The following PPP2R2C variants were observed in gnomAD, a reference collection of about 807,000 sequenced individuals.
PPP2R2C encodes the protein protein phosphatase 2, regulatory subunit B, gamma.
A neutral mutation model predicts 45.3 loss-of-function variants in PPP2R2C; 10 were observed. The ratio of observed to expected loss-of-function variants is 0.22; its 90% CI spans 0.14 to 0.37. The LOEUF (loss-of-function observed/expected upper bound fraction) is 0.37. Ranked by LOEUF, PPP2R2C falls within the 10% of genes least tolerant of loss-of-function variation. The probability of loss-of-function intolerance (pLI) is 1.00; values close to 1 mark genes in which losing one functional copy is unlikely to be tolerated. For missense variants in PPP2R2C, 308 were observed against 619.7 expected, an observed-to-expected ratio of 0.50 and a Z score of 5.34; for synonymous variants, 257 against 245.4, an observed-to-expected ratio of 1.05 and a Z score of -0.44.
chr4:6,469,077 CAAAAAAAA>C lies in PPP2R2C; in HGVS notation c.70+3075_70+3082del, dbSNP rs142008829. Among the ~76,000 whole-genome samples the C allele has an allele frequency of 8.1e-3, 457 of 56,194 alleles. 5 individuals are homozygous for C. The highest frequency in any genetic ancestry group is 0.03 in the African/African-American group (425 of 14,406). 36.9% of individuals were successfully genotyped at this position (56,194 alleles called of 152,430 possible). A position where few individuals can be genotyped will look rare whatever the true frequency, so the allele number is the denominator to read the frequency against. Reference sequence around the variant, plus strand: ...AGAGTAAGCCACCCAGCCCTGCCACCAAAAAAAAAAAAAAAAAAAAAAAAAAAAATCCA... The same window carrying C: ...AGAGTAAGCCACCCAGCCCTGCCACCAAAAAAAAAAAAAAAAAAAAATCCA... On this transcript the variant is annotated intron_variant, in intron 1 of 8. Transcript: ENST00000382599.
intron 1 of PPP2R2C, among the ~76,000 whole-genome samples, chr4:6,405,977 T>C (rs1717772964): frequency 6.6e-6 from 1 of 152,170 alleles, no homozygotes; most frequent in South Asian, 2.1e-4. Context: ...ACTTACCTAT[T>C]ATCAGTCTCA....
In PPP2R2C at chr4:6,328,782, C is replaced by T. The variant is rs1367563891; in HGVS notation, c.1052+480G>A. Among the ~76,000 whole-genome samples the T allele has an allele frequency of 5.9e-5, 9 of 152,144 alleles. No individual in the cohort carries two copies. Among genetic ancestry groups the T allele is most frequent in the Admixed American group, 3.3e-4 (5 of 15,280 alleles). On this transcript the variant is annotated intron_variant, in intron 8 of 8. Coordinates refer to ENST00000382599, the MANE Select transcript of PPP2R2C (RefSeq NM_020416.4). This position sits in a 1 kb window ranked among gnomAD's most constrained non-coding sequence, Gnocchi z 4.4. ...GCTCCAAGGTGCCCCTGAGCCTCAG[C>T]GGGCCCGAGTGGGGTGTCACCAGGA...
At chr4:6,543,740 C>A (rs1724883042) in intron 1 of PPP2R2C, among the ~76,000 whole-genome samples, 1 of 152,150 alleles carries the variant, frequency 6.6e-6, no homozygotes, top group Non-Finnish European at 1.5e-5. Flanking sequence ...GGCTCCCTTG[C>A]CCTGCCCGTC....
intron 5 of PPP2R2C, among the ~76,000 whole-genome samples, chr4:6,358,373 C>G (rs1006438670): frequency 1.3e-5 from 2 of 151,846 alleles, no homozygotes; most frequent in African/African-American, 4.9e-5. Flanking sequence ...GACCTAAAAC[C>G]AGAAAAACCA....
chr4:6,411,953 A>G (rs899691790), intron 1 of PPP2R2C, among the ~76,000 whole-genome samples: 1 of 152,208 alleles, frequency 6.6e-6, no homozygotes, highest in Non-Finnish European at 1.5e-5. Flanking sequence ...GTAGTAATTA[A>G]CGATTAAATG....
intron 6 of PPP2R2C, among the ~76,000 whole-genome samples, chr4:6,337,219 G>A (rs1341223723): frequency 1.5e-5 from 2 of 136,934 alleles, no homozygotes; most frequent in East Asian, 4.6e-4. Flanking sequence ...TTTTCTCTCT[G>A]ATGCCTACCG....
intron 1 of PPP2R2C, among the ~76,000 whole-genome samples, chr4:6,425,728 A>G (rs1390900105): frequency 1.3e-5 from 2 of 152,136 alleles, no homozygotes; most frequent in African/African-American, 4.8e-5. Context: ...GACACTTCTG[A>G]ATCCTCCCGG....
At chr4:6,405,478 C>T (rs181294223) in intron 1 of PPP2R2C, among the ~76,000 whole-genome samples, 1 of 152,326 alleles carries the variant, frequency 6.6e-6, no homozygotes, top group Non-Finnish European at 1.5e-5. Flanking sequence ...ACCCTCTCTT[C>T]CAGCTCAAAG....
Position 6,378,608 on chromosome 4 carries a change from T to C in PPP2R2C, c.169-36A>G, listed in dbSNP as rs775861467. Reference sequence around the variant, plus strand: ...ACCCGGAGAAGGGGCCTGAGCACCGTGACCTGCAGGGCGACGGCTAGGACC... The same window carrying C: ...ACCCGGAGAAGGGGCCTGAGCACCGCGACCTGCAGGGCGACGGCTAGGACC... On this transcript the variant is annotated intron_variant, in intron 2 of 8. Transcript: ENST00000382599. The surrounding 1 kb of genome is among the most constrained non-coding windows in gnomAD (Gnocchi z 5.2). 2.9e-5 allele frequency: 47 copies of C among 1,594,056 alleles called. No individual in the cohort carries two copies. The highest frequency in any genetic ancestry group is 3.6e-5 in the Non-Finnish European group (42 of 1,167,830).
At position 6,345,402 on chromosome 4, in the gene PPP2R2C, A is replaced by G. The variant is rs952615435; in HGVS notation, c.790+2444T>C. Reference sequence around the variant, plus strand: ...AGCACCTGTGACTATGTTATGCTACACGGCAAAGTCAAAATAAGGCCAAAG... The same window carrying G: ...AGCACCTGTGACTATGTTATGCTACGCGGCAAAGTCAAAATAAGGCCAAAG... On this transcript the variant is annotated intron_variant, in intron 6 of 8. Coordinates refer to ENST00000382599, the MANE Select transcript of PPP2R2C (RefSeq NM_020416.4). The surrounding 1 kb of genome is among the most constrained non-coding windows in gnomAD (Gnocchi z 5.3). Among the ~76,000 whole-genome samples, 1 of 152,178 alleles carries G rather than the reference A, an allele frequency of 6.6e-6. No homozygotes were observed. The highest frequency in any genetic ancestry group is 1.5e-5 in the Non-Finnish European group (1 of 68,034).
rs935002950 is a variant in PPP2R2C, at chr4:6,332,223, G to A, written c.960+1339C>T. Among the ~76,000 whole-genome samples the A allele has an allele frequency of 1.3e-5, 2 of 152,178 alleles. No individual in the cohort carries two copies. Among genetic ancestry groups the A allele is most frequent in the Admixed American group, 6.5e-5 (1 of 15,278 alleles). On this transcript the variant is annotated intron_variant, in intron 7 of 8. Transcript: ENST00000382599. This position sits in a 1 kb window ranked among gnomAD's most constrained non-coding sequence, Gnocchi z 4.9. ...GGGTTGGAAATGTTCATTTCCCTGAGCTGCCTCCAGAGGGAGCCAGAGAGT... is the reference window on the plus strand; with the variant it reads ...GGGTTGGAAATGTTCATTTCCCTGAACTGCCTCCAGAGGGAGCCAGAGAGT...
intron 6 of PPP2R2C, among the ~76,000 whole-genome samples, chr4:6,334,589 T>C (rs556395945): frequency 3.9e-5 from 6 of 152,216 alleles, no homozygotes; most frequent in Non-Finnish European, 7.4e-5. Context: ...ACCCTGGGGC[T>C]GAAGTAGCGT....
Position 6,328,906 on chromosome 4 carries a change from G to T in PPP2R2C, c.1052+356C>A, listed in dbSNP as rs1297998189. On this transcript the variant is annotated intron_variant, in intron 8 of 8. Coordinates refer to ENST00000382599, the MANE Select transcript of PPP2R2C (RefSeq NM_020416.4). The surrounding 1 kb of genome is among the most constrained non-coding windows in gnomAD (Gnocchi z 4.4). ...TGTCTCAGGACATACAGGTGTGGATGGATGATGGTGACCGGGTGCTGGGCT... is the reference window on the plus strand; with the variant it reads ...TGTCTCAGGACATACAGGTGTGGATTGATGATGGTGACCGGGTGCTGGGCT... Among the ~76,000 whole-genome samples the T allele has an allele frequency of 2.3e-5, 3 of 127,956 alleles. No individual in the cohort carries two copies. The highest frequency in any genetic ancestry group is 8.7e-5 in the African/African-American group (3 of 34,486). 83.9% of individuals were successfully genotyped at this position (127,956 alleles called of 152,430 possible).
chr4:6,414,639 T>C (rs116157404), intron 1 of PPP2R2C, among the ~76,000 whole-genome samples: 2,124 of 150,924 alleles, frequency 0.014, 45 homozygotes, highest in African/African-American at 0.05. Flanking sequence ...GGTATATGGA[T>C]GGGGAAACCG....
At chr4:6,367,461 C>G (rs1277433837) in intron 5 of PPP2R2C, among the ~76,000 whole-genome samples, 1 of 152,088 alleles carries the variant, frequency 6.6e-6, no homozygotes, top group Non-Finnish European at 1.5e-5. Flanking sequence ...CCTCCTGACC[C>G]TGGGTTTTTC....
chr4:6,397,093 T>TTCAA (rs560925346), intron 1 of PPP2R2C, among the ~76,000 whole-genome samples: 54 of 152,212 alleles, frequency 3.5e-4, no homozygotes, highest in Admixed American at 2.4e-3. Flanking sequence ...GCAGGAATCC[T>TTCAA]TCAATCCCAG....
rs770049137 is a variant in PPP2R2C, at chr4:6,323,550, C to T, written c.1096G>A (p.Asp366Asn). 2.5e-6 allele frequency: 4 copies of T among 1,584,190 alleles called. No homozygotes were observed. In the African/African-American group the frequency reaches 4.0e-5, roughly 16 times the overall value. Residue 366 changes from aspartate (D) to asparagine (N), a missense_variant, in exon 9 of 9, where the codon GAT becomes AAT. Physicochemically the swap from Asp to Asn is conservative, Grantham distance 23. Transcript: ENST00000382599. ...GTCACGTCCCGCTTGGTGTTCCGAT[C>T]GAACATGCGGAAGAAGTTGTTGTAG... ...GAYNNFFRMF[D>N]RNTKRDVTLE...
chr4:6,431,859 T>C (rs1349494959), intron 1 of PPP2R2C, among the ~76,000 whole-genome samples: 1 of 152,150 alleles, frequency 6.6e-6, no homozygotes, highest in East Asian at 1.9e-4. Flanking sequence ...GGGGGGCTTA[T>C]AACAACAGCC....
At chr4:6,470,566 C>A (rs1171350266) in intron 1 of PPP2R2C, among the ~76,000 whole-genome samples, 2 of 152,206 alleles carry the variant, frequency 1.3e-5, no homozygotes, top group Non-Finnish European at 2.9e-5. Flanking sequence ...AGCCTGGGAG[C>A]AGCGGGGCAA....
Sources: allele counts gnomAD v4.1 joint callset (sites outside exome capture counted in the v4.1 genomes callset), GRCh38; gene constraint gnomAD v4.1.1; non-coding constraint Gnocchi (gnomAD v3.1); transcripts MANE v1.5; gene names NCBI Gene and HGNC (gene_info 2026-07-23, HGNC 2026-07-21).